The following OPCML variants were observed in gnomAD, a reference collection of about 807,000 sequenced individuals.
The protein encoded by OPCML is opioid binding protein/cell adhesion molecule like, also known as opioid-binding protein/cell adhesion molecule.
A neutral mutation model predicts 37.8 loss-of-function variants in OPCML; 13 were observed. The ratio of observed to expected loss-of-function variants is 0.34; its 90% confidence interval spans 0.22 to 0.55. The LOEUF is 0.55. OPCML is among the 20% of genes least tolerant of loss of function. OPCML has a pLI of 0.91. For synonymous variants in OPCML, 176 were observed against 168.8 expected (o/e 1.04, Z -0.33); for missense variants, 341 against 435.6 (o/e 0.78, Z 1.93).
At chr11:132,530,048 A>G (rs986152460) in intron 3 of OPCML, among the ~76,000 whole-genome samples, 2 of 152,164 alleles carry the variant, frequency 1.3e-5, no homozygotes, top group Non-Finnish European at 2.9e-5. Context: ...GTGGATGATA[A>G]TGGTAGCTAA....
intron 2 of OPCML, among the ~76,000 whole-genome samples, chr11:132,674,214 C>T (rs1942603273): frequency 6.6e-6 from 1 of 152,164 alleles, no homozygotes. Flanking sequence ...ACTATAAATC[C>T]AGAAAAGAAA....
intron 1 of OPCML, among the ~76,000 whole-genome samples, chr11:133,444,453 A>G (rs2136945809): frequency 6.6e-6 from 1 of 152,342 alleles, no homozygotes; most frequent in East Asian, 1.9e-4. Context: ...AGATGATTTG[A>G]GAGACTGAGT....
At chr11:132,767,018 T>G (rs1402165262) in intron 2 of OPCML, among the ~76,000 whole-genome samples, 1 of 152,196 alleles carries the variant, frequency 6.6e-6, no homozygotes, top group Admixed American at 6.5e-5. Context: ...ATATGTACAT[T>G]ATCTATGTTT....
chr11:133,188,513 A>G (rs1159973253), intron 1 of OPCML, among the ~76,000 whole-genome samples: 2 of 152,216 alleles, frequency 1.3e-5, no homozygotes, highest in Non-Finnish European at 2.9e-5. Context: ...CCTCTTCCAT[A>G]GAAAATAGAA....
chr11:132,708,701 G>T (rs1041537074), intron 2 of OPCML, among the ~76,000 whole-genome samples: 15 of 152,294 alleles, frequency 9.8e-5, no homozygotes, highest in African/African-American at 3.6e-4. Flanking sequence ...AACACTGAAA[G>T]TTCATTAATT....
At chr11:133,429,479 T>C (rs1946073295) in intron 1 of OPCML, among the ~76,000 whole-genome samples, 1 of 152,218 alleles carries the variant, frequency 6.6e-6, no homozygotes, top group African/African-American at 2.4e-5. Flanking sequence ...TGATTTCCAT[T>C]TTTAAATGAT....
intron 1 of OPCML, among the ~76,000 whole-genome samples, chr11:133,530,500 C>T (rs1948583447): frequency 6.6e-6 from 1 of 152,210 alleles, no homozygotes; most frequent in Admixed American, 6.5e-5. Context: ...CAGCTGGGGA[C>T]TTGCCTACGC....
chr11:133,285,492 T>G (rs1404445764), intron 1 of OPCML, among the ~76,000 whole-genome samples: 2 of 152,176 alleles, frequency 1.3e-5, no homozygotes, highest in Non-Finnish European at 2.9e-5. Flanking sequence ...TCCATTATAA[T>G]GCTTCATTTG....
chr11:132,884,071 C>T (rs939139561), intron 2 of OPCML, among the ~76,000 whole-genome samples: 1 of 152,052 alleles, frequency 6.6e-6, no homozygotes, highest in African/African-American at 2.4e-5. Flanking sequence ...ATCATCTAAT[C>T]GTAGAGCCAA....
intron 1 of OPCML, among the ~76,000 whole-genome samples, chr11:133,274,924 C>A (rs557287236): frequency 6.6e-6 from 1 of 152,106 alleles, no homozygotes; most frequent in Non-Finnish European, 1.5e-5. Flanking sequence ...TCCCGGGTGT[C>A]GTTTATATTA....
At chr11:132,930,718 A>G (rs1205586020) in intron 2 of OPCML, among the ~76,000 whole-genome samples, 1 of 152,222 alleles carries the variant, frequency 6.6e-6, no homozygotes, top group Non-Finnish European at 1.5e-5. Flanking sequence ...CACAAAAATA[A>G]GTGAAAAGAC....
intron 1 of OPCML, among the ~76,000 whole-genome samples, chr11:132,944,139 C>T (rs1419348001): frequency 6.6e-6 from 1 of 152,080 alleles, no homozygotes; most frequent in East Asian, 1.9e-4. Context: ...ACACCCGCGC[C>T]AGCGGAGAGA....
chr11:133,082,689 G>C (rs534338790), intron 1 of OPCML, among the ~76,000 whole-genome samples: 314 of 106,938 alleles, frequency 2.9e-3, no homozygotes, highest in African/African-American at 0.01. Context: ...TGTCAGCTAC[G>C]AAGCCGGGCG....
chr11:133,418,366 A>C (rs1015528447), intron 1 of OPCML: 5 of 985,302 alleles, frequency 5.1e-6, no homozygotes, highest in Non-Finnish European at 6.0e-6. Flanking sequence ...AAAAAATTCA[A>C]GAACTATTTC....
At chr11:132,967,066 C>T (rs1009196114) in intron 1 of OPCML, among the ~76,000 whole-genome samples, 8 of 152,070 alleles carry the variant, frequency 5.3e-5, no homozygotes, top group Non-Finnish European at 7.4e-5. Flanking sequence ...TTGTTTACTA[C>T]GTGTCACATG....
chr11:133,030,075 G>A (rs1364043478), intron 1 of OPCML, among the ~76,000 whole-genome samples: 1 of 152,154 alleles, frequency 6.6e-6, no homozygotes. Flanking sequence ...AACACAAGGA[G>A]TGGATCTGGG....
intron 1 of OPCML, chr11:133,117,929 G>A: frequency 1.0e-6 from 1 of 985,326 alleles, no homozygotes; most frequent in Non-Finnish European, 1.2e-6. Context: ...GATGTTTCCA[G>A]AAGGGAATGG....
At chr11:133,445,960 T>C (rs973892998) in intron 1 of OPCML, among the ~76,000 whole-genome samples, 1 of 152,166 alleles carries the variant, frequency 6.6e-6, no homozygotes, top group Non-Finnish European at 1.5e-5. Context: ...CTCTTAGCAA[T>C]GTGTCTGTGA....
At chr11:133,451,730 C>T (rs1483800725) in intron 1 of OPCML, among the ~76,000 whole-genome samples, 1 of 149,168 alleles carries the variant, frequency 6.7e-6, no homozygotes, top group Admixed American at 6.6e-5. Context: ...GTAATCTCAG[C>T]TACTTGGAGG....
Sources: allele counts gnomAD v4.1 joint callset (sites outside exome capture counted in the v4.1 genomes callset), GRCh38; gene constraint gnomAD v4.1.1; transcripts MANE v1.5; gene names NCBI Gene and HGNC (gene_info 2026-07-23, HGNC 2026-07-21).